The following SYDE1 variants were observed in gnomAD, a reference collection of about 807,000 sequenced individuals.
SYDE1 encodes the protein rho GTPase-activating protein SYDE1.
A neutral mutation model predicts 63.3 loss-of-function variants in SYDE1; 34 were observed. The observed-to-expected ratio is 0.54, with a 90% CI of 0.41 to 0.71. The LOEUF (loss-of-function observed/expected upper bound fraction) is 0.71, where lower values mean the gene tolerates loss of function less well. Among genes scored for constraint, SYDE1 ranks in the 30% least tolerant of loss-of-function variants. The pLI is 0.00. For missense variants in SYDE1, 925 were observed against 1,042.5 expected (o/e 0.89, Z 1.55); for synonymous variants, 467 against 473.4 (o/e 0.99, Z 0.18).
rs1429214190 is a variant in SYDE1 at position 15,109,951 on chromosome 19, G to C, written c.678G>C (p.Arg226Ser). 1 of 1,467,008 alleles carries C rather than the reference G, an allele frequency of 6.8e-7. No homozygotes were observed. 90.9% of individuals were successfully genotyped at this position (1,467,008 alleles called of 1,614,324 possible). A position where few individuals can be genotyped will look rare whatever the true frequency, so the allele number is the denominator to read the frequency against. ...AAGPGGTRSP[R>S]AGYLSDGDSP... The stretch of plus-strand genomic sequence containing the variant: ...GGCCTGGGGGCACCCGGAGCCCGAG[G>C]GCCGGTTACCTCAGCGACGGGGACT... Residue 226 changes from arginine (R) to serine (S), a missense_variant, in exon 3 of 8, where the codon AGG becomes AGC. Coordinates refer to ENST00000342784, the MANE Select transcript of SYDE1 (RefSeq NM_033025.6). The surrounding 1 kb of genome is among the most constrained non-coding windows in gnomAD (Gnocchi z 5.0).
chr19:15,110,016 T>C lies in SYDE1; in HGVS notation c.743T>C (p.Phe248Ser). 6.7e-7 allele frequency: 1 copy of C among 1,502,564 alleles called. No individual in the cohort carries two copies. The highest frequency in any genetic ancestry group is 8.8e-7 in the Non-Finnish European group (1 of 1,134,070). The allele number at this position is 1,502,564 out of a possible 1,614,324, so 93.1% of individuals were successfully genotyped here. ...GCTGGGCCCCCATCACCCACCTCCT[T>C]CCGGCCCTACGAGGTGGGTCCCGCA... is the stretch of plus-strand genomic sequence containing the variant. ...RPAGPPSPTS[F>S]RPYEVGPAAR... Residue 248 changes from phenylalanine (F) to serine (S), a missense_variant, in exon 3 of 8, where the codon TTC (phenylalanine) becomes TCC (serine). Around this residue, in one of 3 missense-constraint regions of SYDE1, gnomAD observed 599 missense variants for 653.7 expected, o/e 0.92. Transcript: ENST00000342784. The surrounding 1 kb of genome is among the most constrained non-coding windows in gnomAD (Gnocchi z 6.9).
Position 15,110,028 on chromosome 19 carries a change from A to T in SYDE1, c.755A>T (p.Glu252Val). 1.3e-6 allele frequency: 2 copies of T among 1,504,878 alleles called. No homozygotes were observed. The highest frequency in any genetic ancestry group is 2.5e-5 in the South Asian group (2 of 80,966). 93.2% of individuals were successfully genotyped at this position (1,504,878 alleles called of 1,614,324 possible). A position where few individuals can be genotyped will look rare whatever the true frequency, so the allele number is the denominator to read the frequency against. ...PPSPTSFRPYEVGPAARAPPA... is the reference protein window; with the variant it reads ...PPSPTSFRPYVVGPAARAPPA... Reference sequence around the variant, plus strand: ...TCACCCACCTCCTTCCGGCCCTACGAGGTGGGTCCCGCAGCCCGGGCACCC... The same window carrying T: ...TCACCCACCTCCTTCCGGCCCTACGTGGTGGGTCCCGCAGCCCGGGCACCC... The change falls in exon 3 of 8, where the codon GAG (glutamate) becomes GTG (valine). Residue 252 changes from glutamate to valine, a missense_variant. Glu to Val is a moderately radical substitution (Grantham distance 121). Coordinates refer to ENST00000342784, the MANE Select transcript of SYDE1 (RefSeq NM_033025.6). This position sits in a 1 kb window ranked among gnomAD's most constrained non-coding sequence, Gnocchi z 6.9.
Position 15,110,686 on chromosome 19 carries a change from C to A in SYDE1, c.1241C>A (p.Pro414His). The A allele has an allele frequency of 6.3e-7, 1 of 1,582,426 alleles. No homozygotes were observed. Residue 414 changes from proline (P) to histidine (H), a missense_variant, in exon 4 of 8, where the codon CCC (proline) becomes CAC (histidine). Physicochemically the swap from Pro to His is moderately conservative, Grantham distance 77 (BLOSUM62 -2). Around this residue, in one of 3 missense-constraint regions of SYDE1, gnomAD observed 599 missense variants for 653.7 expected, o/e 0.92. Coordinates refer to ENST00000342784, the MANE Select transcript of SYDE1 (RefSeq NM_033025.6). This position sits in a 1 kb window ranked among gnomAD's most constrained non-coding sequence, Gnocchi z 6.9. ...CGGGAGCGGCCCCCCGGCCAGGTGC[C>A]CCTCATCATCCAGAAGTGCGTTGGG... is the stretch of plus-strand genomic sequence containing the variant. ...VERERPPGQV[P>H]LIIQKCVGQI... is the part of the protein sequence containing the mutation.
rs528760157 is a variant in SYDE1 at position 15,108,069 on chromosome 19, G to A, written c.88+548G>A. Among the ~76,000 whole-genome samples, 15 of 152,282 alleles carry A rather than the reference G, an allele frequency of 9.9e-5. No individual in the cohort carries two copies. Among genetic ancestry groups the A allele is most frequent in the Admixed American group, 3.3e-4 (5 of 15,302 alleles). ...TATACAGATGGGGAAACTGAGGCAC[G>A]GAGCAATTGGGTCATGTGCCCAGGG... On this transcript the variant is annotated intron_variant, in intron 1 of 7. Coordinates refer to ENST00000342784, the MANE Select transcript of SYDE1 (RefSeq NM_033025.6). The surrounding 1 kb of genome is among the most constrained non-coding windows in gnomAD (Gnocchi z 4.3).
Position 15,111,652 on chromosome 19 carries a change from C to A in SYDE1, c.1438C>A (p.Arg480=). 2 of 1,613,950 alleles carry A rather than the reference C, an allele frequency of 1.2e-6. No homozygotes were observed. The highest frequency in any genetic ancestry group is 1.7e-6 in the Non-Finnish European group (2 of 1,179,950). ...CACAGGCATCCTCAAGGATTATCTTCGAGAGTTGCCCACCCCACTCATCAC... is the reference window on the plus strand; with the variant it reads ...CACAGGCATCCTCAAGGATTATCTTAGAGAGTTGCCCACCCCACTCATCAC... The part of the protein sequence containing the change: ...VITGILKDYL[R]ELPTPLITQP... Residue 480 remains arginine (R), a synonymous_variant, in exon 6 of 8, where the codon CGA becomes AGA. Coordinates refer to ENST00000342784, the MANE Select transcript of SYDE1 (RefSeq NM_033025.6). The surrounding 1 kb of genome is among the most constrained non-coding windows in gnomAD (Gnocchi z 5.5).
In SYDE1 at chr19:15,109,908, G is replaced by C; in HGVS notation, c.635G>C (p.Gly212Ala). Residue 212 changes from glycine (G) to alanine (A), a missense_variant, in exon 3 of 8, where the codon GGC becomes GCC. Physicochemically the swap from Gly to Ala is moderately conservative, Grantham distance 60 (BLOSUM62 0). Coordinates refer to ENST00000342784, the MANE Select transcript of SYDE1 (RefSeq NM_033025.6). This position sits in a 1 kb window ranked among gnomAD's most constrained non-coding sequence, Gnocchi z 5.0. ...SRYHLDSSVGGPGPAAGPGGT... is the reference protein window; with the variant it reads ...SRYHLDSSVGAPGPAAGPGGT... ...TACCACCTGGACAGCAGCGTGGGGG[G>C]CCCCGGGCCGGCAGCAGGGCCTGGG... is the stretch of plus-strand genomic sequence containing the variant. 6.8e-7 allele frequency: 1 copy of C among 1,466,252 alleles called. No homozygotes were observed. Among genetic ancestry groups the C allele is most frequent in the Non-Finnish European group, 9.0e-7 (1 of 1,115,312 alleles). The allele number at this position is 1,466,252 out of a possible 1,614,324, so 90.8% of individuals were successfully genotyped here. A position where few individuals can be genotyped will look rare whatever the true frequency, so the allele number is the denominator to read the frequency against.
Position 15,109,864 on chromosome 19 carries a change from G to C in SYDE1, c.591G>C (p.Ala197=). The C allele has an allele frequency of 6.6e-7, 1 of 1,525,180 alleles. No individual in the cohort carries two copies. The allele number at this position is 1,525,180 out of a possible 1,614,324, so 94.5% of individuals were successfully genotyped here. The change falls in exon 3 of 8, where the codon GCG becomes GCC. Residue 197 remains alanine, a synonymous_variant. Coordinates refer to ENST00000342784, the MANE Select transcript of SYDE1 (RefSeq NM_033025.6). This position sits in a 1 kb window ranked among gnomAD's most constrained non-coding sequence, Gnocchi z 5.0. ...AGRERERAAP[A]GSVISRYHLD... is the part of the protein sequence containing the mutation. ...GGGAGCGCGAGAGGGCTGCCCCTGCGGGCTCCGTCATCAGCCGCTACCACC... is the reference window on the plus strand; with the variant it reads ...GGGAGCGCGAGAGGGCTGCCCCTGCCGGCTCCGTCATCAGCCGCTACCACC...
Position 15,110,237 on chromosome 19 carries a change from G to T in SYDE1, c.964G>T (p.Glu322Ter). The T allele has an allele frequency of 1.4e-6, 2 of 1,415,106 alleles. No individual in the cohort carries two copies. 87.7% of individuals were successfully genotyped at this position (1,415,106 alleles called of 1,614,324 possible). A position where few individuals can be genotyped will look rare whatever the true frequency, so the allele number is the denominator to read the frequency against. The change falls in exon 3 of 8, where the codon GAG becomes TAG. Residue 322 changes from glutamate to a stop codon, truncating the protein, a stop_gained. Coordinates refer to ENST00000342784, the MANE Select transcript of SYDE1 (RefSeq NM_033025.6). LOFTEE classifies it high-confidence loss of function. The surrounding 1 kb of genome is among the most constrained non-coding windows in gnomAD (Gnocchi z 6.9). ...GCGGCTGGACCACACCTTCCACCTGGAGCTGGAGGCCGCCAGGCTCCTGCG... is the reference window on the plus strand; with the variant it reads ...GCGGCTGGACCACACCTTCCACCTGTAGCTGGAGGCCGCCAGGCTCCTGCG... ...FLRLDHTFHL[E>*]LEAARLLRAL...
rs367745925 is a variant in SYDE1 at position 15,113,819 on chromosome 19, G to C, written c.2064G>C (p.Glu688Asp). 4.3e-6 allele frequency: 7 copies of C among 1,614,122 alleles called. No homozygotes were observed. The highest frequency in any genetic ancestry group is 2.2e-5 in the East Asian group (1 of 44,886). ...VTGSDSEDED[E>D]EVGEPRVTGD... ...GCAGTGACAGCGAGGACGAGGACGA[G>C]GAGGTCGGCGAGCCGAGGGTCACCG... Residue 688 changes from glutamate to aspartate, a missense_variant, in exon 8 of 8, where the codon GAG becomes GAC. By Grantham distance (45) the Glu-to-Asp change is conservative. Coordinates refer to ENST00000342784, the MANE Select transcript of SYDE1 (RefSeq NM_033025.6).
rs2046345490 is a variant in SYDE1, at chr19:15,111,463, G to A, written c.1417+24G>A. 1 of 1,612,202 alleles carries A rather than the reference G, an allele frequency of 6.2e-7. No homozygotes were observed. ...TGGTCAGCATGGCCCCCTCTCCCCT[G>A]CCTGCTCACCCCCATTCAATGCCTC... On this transcript the variant is annotated intron_variant, in intron 5 of 7. Transcript: ENST00000342784. This position sits in a 1 kb window ranked among gnomAD's most constrained non-coding sequence, Gnocchi z 5.5.
Position 15,112,514 on chromosome 19 carries a change from G to T in SYDE1, c.1747G>T (p.Ala583Ser), listed in dbSNP as rs769942395. ...ARSSGPGLASAVDFKHHIEVL... is the reference protein window; with the variant it reads ...ARSSGPGLASSVDFKHHIEVL... ...CAGCTCCGGCCCAGGCCTTGCCAGTGCAGTGGACTTCAAGCACCACATCGA... is the reference window on the plus strand; with the variant it reads ...CAGCTCCGGCCCAGGCCTTGCCAGTTCAGTGGACTTCAAGCACCACATCGA... The change falls in exon 7 of 8, where the codon GCA becomes TCA. Residue 583 changes from alanine (A) to serine (S), a missense_variant. Transcript: ENST00000342784. 4 of 1,606,626 alleles carry T rather than the reference G, an allele frequency of 2.5e-6. No homozygotes were observed. The highest frequency in any genetic ancestry group is 2.7e-5 in the African/African-American group (2 of 74,878).
At position 15,110,299 on chromosome 19, in the gene SYDE1, G is replaced by C. The variant is rs1389675179; in HGVS notation, c.1026G>C (p.Arg342Ser). Residue 342 changes from arginine (R) to serine (S), a missense_variant, in exon 3 of 8, where the codon AGG becomes AGC. By Grantham distance (110) the Arg-to-Ser change is moderately radical. Around this residue, in one of 3 missense-constraint regions of SYDE1, gnomAD observed 599 missense variants for 653.7 expected, o/e 0.92. Coordinates refer to ENST00000342784, the MANE Select transcript of SYDE1 (RefSeq NM_033025.6). This position sits in a 1 kb window ranked among gnomAD's most constrained non-coding sequence, Gnocchi z 6.9. Reference sequence around the variant, plus strand: ...TTGCGTGGGACCCTGGCGTGAGAAGGCACCGGCCCTGTGCCCAGGGCACCG... The same window carrying C: ...TTGCGTGGGACCCTGGCGTGAGAAGCCACCGGCCCTGTGCCCAGGGCACCG... Reference protein sequence around the residue: ...LVLAWDPGVRRHRPCAQGTVL... With the variant: ...LVLAWDPGVRSHRPCAQGTVL... 2.0e-5 allele frequency: 28 copies of C among 1,420,610 alleles called. No individual in the cohort carries two copies. The South Asian group carries it at 4.0e-4, about 20-fold the overall frequency. 88.0% of individuals were successfully genotyped at this position (1,420,610 alleles called of 1,614,324 possible). A position where few individuals can be genotyped will look rare whatever the true frequency, so the allele number is the denominator to read the frequency against.
chr19:15,114,093 G>T lies in SYDE1; in HGVS notation c.*130G>T. ...TCCTGGTTGCCAGCGAGTTACCACG[G>T]GACCAGTCGCGTGTATGGCTGAGAC... is the stretch of plus-strand genomic sequence containing the variant. On this transcript the variant is annotated 3_prime_UTR_variant, in exon 8 of 8. Coordinates refer to ENST00000342784, the MANE Select transcript of SYDE1 (RefSeq NM_033025.6). 1.1e-6 allele frequency: 1 copy of T among 902,126 alleles called. No homozygotes were observed. Among genetic ancestry groups the T allele is most frequent in the Non-Finnish European group, 1.7e-6 (1 of 588,314 alleles). The allele number at this position is 902,126 out of a possible 1,614,324, so 55.9% of individuals were successfully genotyped here. A position where few individuals can be genotyped will look rare whatever the true frequency, so the allele number is the denominator to read the frequency against.
chr19:15,112,212 T>C (rs1159926410), intron 6 of SYDE1, 134 bp from the exon 7 acceptor site: 3 of 623,536 alleles, frequency 4.8e-6, no homozygotes, highest in South Asian at 2.0e-5. Flanking sequence ...TAATGATTAA[T>C]AGTCTTAACC....
Position 15,110,447 on chromosome 19 carries a change from G to A in SYDE1, c.1076-74G>A, listed in dbSNP as rs910479707. On this transcript the variant is annotated intron_variant, in intron 3 of 7. Coordinates refer to ENST00000342784, the MANE Select transcript of SYDE1 (RefSeq NM_033025.6). This position sits in a 1 kb window ranked among gnomAD's most constrained non-coding sequence, Gnocchi z 6.9. ...GGGGGCTGGGCTCCGGGCGGAAGGT[G>A]TGGCCTGGAGCAGCGAGGCCAGGGT... is the stretch of plus-strand genomic sequence containing the variant. 1.7e-5 allele frequency: 26 copies of A among 1,496,294 alleles called. No individual in the cohort carries two copies. The African/African-American group carries it at 3.2e-4, about 18-fold the overall frequency. The allele number at this position is 1,496,294 out of a possible 1,614,324, so 92.7% of individuals were successfully genotyped here. A position where few individuals can be genotyped will look rare whatever the true frequency, so the allele number is the denominator to read the frequency against.
Position 15,109,709 on chromosome 19 carries a change from G to T in SYDE1, c.436G>T (p.Ala146Ser). The T allele has an allele frequency of 6.7e-7, 1 of 1,500,330 alleles. No individual in the cohort carries two copies. The highest frequency in any genetic ancestry group is 8.9e-7 in the Non-Finnish European group (1 of 1,122,670). The allele number at this position is 1,500,330 out of a possible 1,614,324, so 92.9% of individuals were successfully genotyped here. ...ESEGLAPQGA[A>S]PASPPTKASR... ...GAAGTCTGCTCTCCACACAGGTGCA[G>T]CCCCCGCCAGCCCCCCAACCAAAGC... Residue 146 changes from alanine (A) to serine (S), a missense_variant, in exon 3 of 8, where the codon GCC (alanine) becomes TCC (serine). Ala to Ser is a moderately conservative substitution (Grantham distance 99). Coordinates refer to ENST00000342784, the MANE Select transcript of SYDE1 (RefSeq NM_033025.6). The surrounding 1 kb of genome is among the most constrained non-coding windows in gnomAD (Gnocchi z 5.0).
intron 7 of SYDE1, among the ~76,000 whole-genome samples, chr19:15,113,269 A>C (rs1395522423): frequency 6.6e-6 from 1 of 152,048 alleles, no homozygotes; most frequent in Non-Finnish European, 1.5e-5. Context: ...TGAACTCCTG[A>C]CCTCAAGTGA....
Position 15,111,875 on chromosome 19 carries a change from T to A in SYDE1, c.1578+83T>A, listed in dbSNP as rs559554525. The A allele has an allele frequency of 7.4e-7, 1 of 1,359,932 alleles. No individual in the cohort carries two copies. Among genetic ancestry groups the A allele is most frequent in the Admixed American group, 2.5e-5 (1 of 39,840 alleles). The allele number at this position is 1,359,932 out of a possible 1,614,324, so 84.2% of individuals were successfully genotyped here. On this transcript the variant is annotated intron_variant, in intron 6 of 7. Transcript: ENST00000342784. This position sits in a 1 kb window ranked among gnomAD's most constrained non-coding sequence, Gnocchi z 5.5. ...GTTTCACCCATGCCTGGGCCTGAGA[T>A]GGGCATGAGCTGGCAGCATCATCAT... is the stretch of plus-strand genomic sequence containing the variant.
At position 15,111,482 on chromosome 19, in the gene SYDE1, A is replaced by G. The variant is rs1418532313; in HGVS notation, c.1417+43A>G. 2.5e-6 allele frequency: 4 copies of G among 1,609,052 alleles called. No individual in the cohort carries two copies. The highest frequency in any genetic ancestry group is 2.2e-5 in the East Asian group (1 of 44,742). On this transcript the variant is annotated intron_variant, in intron 5 of 7. Transcript: ENST00000342784. The surrounding 1 kb of genome is among the most constrained non-coding windows in gnomAD (Gnocchi z 5.5). The stretch of plus-strand genomic sequence containing the variant: ...TCCCCTGCCTGCTCACCCCCATTCA[A>G]TGCCTCACTTCAAGGCCTTGGGGCT...
Sources: allele counts gnomAD v4.1 joint callset (sites outside exome capture counted in the v4.1 genomes callset), GRCh38; gene constraint gnomAD v4.1.1; regional missense constraint gnomAD v4.1.1; non-coding constraint Gnocchi (gnomAD v3.1); transcripts MANE v1.5; gene names NCBI Gene and HGNC (gene_info 2026-07-23, HGNC 2026-07-21).